The following PHTF2 variants were observed in gnomAD, a reference collection of about 807,000 sequenced individuals.
PHTF2 encodes the protein putative homeodomain transcription factor 2.
PHTF2 carries 60 observed loss-of-function variants against 101.2 expected under a neutral mutation model. That is an observed-to-expected ratio of 0.59 (90% confidence interval 0.48 to 0.73). The LOEUF (loss-of-function observed/expected upper bound fraction) is 0.73, where lower values mean the gene tolerates loss of function less well. PHTF2 is among the 30% of genes least tolerant of loss of function. The probability of loss-of-function intolerance (pLI) is 0.00; values close to 1 mark genes in which losing one functional copy is unlikely to be tolerated. For synonymous variants in PHTF2, 311 were observed against 307.3 expected (o/e 1.01, Z -0.13); for missense variants, 747 against 908.7 (o/e 0.82, Z 2.29).
chr7:77,805,676 A>G (rs1792916188), intron 1 of PHTF2, among the ~76,000 whole-genome samples: 1 of 152,320 alleles, frequency 6.6e-6, no homozygotes, highest in South Asian at 2.1e-4. Context: ...ATTTAGAAGT[A>G]TGTAGATGAG....
chr7:77,859,554 T>C (rs1797452981), intron 3 of PHTF2, among the ~76,000 whole-genome samples: 1 of 146,386 alleles, frequency 6.8e-6, no homozygotes, highest in African/African-American at 2.6e-5. Flanking sequence ...ATTTCTTTTC[T>C]TTCTTTCTTC....
Position 77,810,471 on chromosome 7 carries a change from A to G in PHTF2, c.-36+11500A>G, listed in dbSNP as rs927669196. 5.9e-5 allele frequency among the ~76,000 whole-genome samples: 9 copies of G among 152,176 alleles called. No individual in the cohort carries two copies. In the East Asian group the frequency reaches 1.3e-3, roughly 23 times the overall value. ...CTTTTACACAGAAACACTTGAACCTATGTTTTATTTCATGAAATTGACATT... is the reference window on the plus strand; with the variant it reads ...CTTTTACACAGAAACACTTGAACCTGTGTTTTATTTCATGAAATTGACATT... On this transcript the variant is annotated intron_variant, in intron 1 of 19. Coordinates refer to ENST00000416283, the Ensembl canonical transcript of PHTF2.
rs904542333 is a variant in PHTF2 at position 77,915,744 on chromosome 7, G to A, written c.777-4535G>A. 7.2e-5 allele frequency among the ~76,000 whole-genome samples: 11 copies of A among 152,202 alleles called. No homozygotes were observed. The East Asian group carries it at 2.1e-3, about 29-fold the overall frequency. On this transcript the variant is annotated intron_variant, in intron 9 of 19. Coordinates refer to ENST00000416283, the Ensembl canonical transcript of PHTF2. ...GCTTCTAGGGTTTTTTCCTTGCCAA[G>A]GGTGTTGCTAAGGGTGCACTGTGCA...
intron 9 of PHTF2, among the ~76,000 whole-genome samples, chr7:77,918,191 C>G (rs760551244): frequency 6.6e-6 from 1 of 152,292 alleles, no homozygotes; most frequent in African/African-American, 2.4e-5. Context: ...GACCCTTTTA[C>G]TGGCCTACCC....
intron 1 of PHTF2, 62 bp from the exon 2 acceptor site, chr7:77,840,159 G>C: frequency 1.2e-6 from 1 of 867,050 alleles, no homozygotes; most frequent in South Asian, 1.4e-5. Flanking sequence ...TCTGCATGCT[G>C]TTCAGTCTCC....
chr7:77,881,444 A>T (rs77633416), intron 3 of PHTF2, among the ~76,000 whole-genome samples: 1,862 of 152,194 alleles, frequency 0.012, 38 homozygotes, highest in African/African-American at 0.042. Flanking sequence ...GCTGAGGTCC[A>T]GATTTTGTAC....
At chr7:77,861,414 A>AT (rs139393521) in intron 3 of PHTF2, among the ~76,000 whole-genome samples, 6 of 151,476 alleles carry the variant, frequency 4.0e-5, no homozygotes, top group East Asian at 3.9e-4. Context: ...TTTTCTGGGT[A>AT]TTTTTTTTTA....
chr7:77,923,794 T>C, intron 11 of PHTF2: 1 of 985,264 alleles, frequency 1.0e-6, no homozygotes, highest in Non-Finnish European at 1.2e-6. Context: ...CCAGAATAAA[T>C]TATTTAGCAG....
At chr7:77,816,457 A>G (rs1186761654) in intron 1 of PHTF2, among the ~76,000 whole-genome samples, 1 of 152,186 alleles carries the variant, frequency 6.6e-6, no homozygotes, top group Non-Finnish European at 1.5e-5. Flanking sequence ...ATTCAATTAC[A>G]TTATTTTAAA....
In PHTF2 at chr7:77,854,221, G is replaced by A. The variant is rs1480028711; in HGVS notation, c.46-512G>A. On this transcript the variant is annotated intron_variant, in intron 2 of 19. Coordinates refer to ENST00000416283, the Ensembl canonical transcript of PHTF2. ...GCAAACTTGTGCAGGTACTGCTTTG[G>A]TTGTCTTCAGTAAGAACTGGGAAGA... is the stretch of plus-strand genomic sequence containing the variant. Among the ~76,000 whole-genome samples, 13 of 152,304 alleles carry A rather than the reference G, an allele frequency of 8.5e-5. No individual in the cohort carries two copies. The East Asian group carries it at 1.3e-3, about 16-fold the overall frequency.
chr7:77,948,453 T>G (rs1259269871), intron 16 of PHTF2, among the ~76,000 whole-genome samples: 1 of 152,108 alleles, frequency 6.6e-6, no homozygotes, highest in Admixed American at 6.6e-5. Flanking sequence ...ATTTTTAATA[T>G]GATCACAAAT....
chr7:77,890,496 C>A (rs1336019097), intron 3 of PHTF2, among the ~76,000 whole-genome samples: 1 of 150,822 alleles, frequency 6.6e-6, no homozygotes, highest in East Asian at 1.9e-4. Flanking sequence ...TGTATGAAAA[C>A]AAAATACTGC....
chr7:77,897,418 A>G (rs772012162), intron 5 of PHTF2, among the ~76,000 whole-genome samples: 1 of 150,010 alleles, frequency 6.7e-6, no homozygotes, highest in African/African-American at 2.4e-5. Context: ...AGTTTAAATT[A>G]TATTTAATAA....
chr7:77,896,381 C>CACT (rs1214519439), intron 5 of PHTF2, among the ~76,000 whole-genome samples: 1 of 151,966 alleles, frequency 6.6e-6, no homozygotes, highest in Admixed American at 6.6e-5. Context: ...CAAAGTGAGA[C>CACT]ACTATCTCTA....
intron 3 of PHTF2, among the ~76,000 whole-genome samples, chr7:77,857,322 A>G (rs568245581): frequency 2.1e-4 from 32 of 152,322 alleles, no homozygotes; most frequent in African/African-American, 7.7e-4. Context: ...TGAATAGGAA[A>G]AAGAGACAAC....
chr7:77,799,577 T>C (rs1792367755), intron 1 of PHTF2, among the ~76,000 whole-genome samples: 1 of 152,240 alleles, frequency 6.6e-6, no homozygotes, highest in South Asian at 2.1e-4. Flanking sequence ...AGTTCCCGTC[T>C]GGAAACAATA....
intron 1 of PHTF2, among the ~76,000 whole-genome samples, chr7:77,829,666 C>A (rs562464188): frequency 6.6e-6 from 1 of 152,016 alleles, no homozygotes. Context: ...CATTTATTAC[C>A]CTTTAAGGGC....
intron 1 of PHTF2, among the ~76,000 whole-genome samples, chr7:77,838,166 G>A (rs1448269697): frequency 1.3e-5 from 2 of 152,080 alleles, no homozygotes; most frequent in Admixed American, 1.3e-4. Flanking sequence ...AAAATCAGTG[G>A]GGCAAACCTC....
At chr7:77,805,542 T>G (rs1792904803) in intron 1 of PHTF2, among the ~76,000 whole-genome samples, 1 of 152,232 alleles carries the variant, frequency 6.6e-6, no homozygotes, top group Admixed American at 6.5e-5. Context: ...GAGTGTTTAA[T>G]TCTATAAAAT....
Sources: gnomAD v4.1 joint callset for allele counts (sites outside exome capture counted in the v4.1 genomes callset) on GRCh38, gnomAD v4.1.1 for gene constraint, MANE v1.5 for transcripts, NCBI Gene and HGNC (gene_info 2026-07-23, HGNC 2026-07-21) for gene names.